RARB: variants seen among roughly 807,000 people sequenced by gnomAD.
RARB encodes retinoic acid receptor beta, also known as HBV-activated protein.
RARB carries 17 observed loss-of-function variants against 51.9 expected under a neutral mutation model. That is an observed-to-expected ratio of 0.33 (90% CI 0.22 to 0.49). RARB has a LOEUF of 0.49. RARB is among the 20% of genes least tolerant of loss of function. RARB has a pLI of 0.99. For synonymous variants in RARB, 215 were observed against 195.4 expected (o/e 1.10, Z -0.84); for missense variants, 369 against 550.8 (o/e 0.67, Z 3.30).
chr3:25,372,742 C>T (rs1317836646), intron 5 of RARB, among the ~76,000 whole-genome samples: 8 of 152,202 alleles, frequency 5.3e-5, no homozygotes. Flanking sequence ...GGGAGAATCA[C>T]TTCAACCTGA....
intron 3 of RARB, among the ~76,000 whole-genome samples, chr3:25,106,122 G>A (rs542760327): frequency 2.6e-5 from 4 of 152,244 alleles, no homozygotes; most frequent in South Asian, 4.2e-4. Flanking sequence ...GAGGTTGTTT[G>A]TTTCCCATAA....
rs572630994 is a variant in RARB, at chr3:25,102,303, A to T, written c.-327-29858A>T. On this transcript the variant is annotated intron_variant, in intron 3 of 11. Coordinates refer to the RARB transcript ENST00000383772. ...CACCTGTAATCCTAGCACTTTGGGA[A>T]GCCGAGGCAGGTTGATCACCTGAGG... 3.9e-5 allele frequency among the ~76,000 whole-genome samples: 6 copies of T among 151,944 alleles called. No homozygotes were observed. The East Asian group carries it at 1.2e-3, about 30-fold the overall frequency.
chr3:25,345,221 G>C (rs901739632), intron 5 of RARB, among the ~76,000 whole-genome samples: 1 of 152,104 alleles, frequency 6.6e-6, no homozygotes, highest in African/African-American at 2.4e-5. Flanking sequence ...ACCTCTGGAG[G>C]TTTTTTGGTT....
intron 5 of RARB, among the ~76,000 whole-genome samples, chr3:25,371,901 G>C (rs1706311661): frequency 6.6e-6 from 1 of 152,226 alleles, no homozygotes; most frequent in Non-Finnish European, 1.5e-5. Context: ...TGTTGAGGTT[G>C]AGTGGTCAGG....
chr3:25,578,570 G>A (rs561152483), intron 4 of RARB, among the ~76,000 whole-genome samples: 3 of 152,266 alleles, frequency 2.0e-5, no homozygotes, highest in South Asian at 2.1e-4. Flanking sequence ...CCTACGAACC[G>A]GATAAACTGC....
intron 3 of RARB, among the ~76,000 whole-genome samples, chr3:25,539,648 A>G (rs1269718746): frequency 6.9e-6 from 1 of 145,604 alleles, no homozygotes; most frequent in East Asian, 2.0e-4. Context: ...TCTTTAGTCA[A>G]TGTCCATCCT....
intron 5 of RARB, among the ~76,000 whole-genome samples, chr3:25,248,231 T>C (rs1308088339): frequency 2.6e-5 from 4 of 152,198 alleles, no homozygotes; most frequent in African/African-American, 9.6e-5. Context: ...AATATCTTTT[T>C]TCATCCCTTT....
intron 2 of RARB, among the ~76,000 whole-genome samples, chr3:24,933,209 A>C (rs1695478292): frequency 6.6e-6 from 1 of 152,146 alleles, no homozygotes. Flanking sequence ...ATAACTCTGC[A>C]TCATTTTAGT....
At chr3:25,353,063 T>C (rs1020333110) in intron 5 of RARB, among the ~76,000 whole-genome samples, 9 of 152,182 alleles carry the variant, frequency 5.9e-5, no homozygotes, top group African/African-American at 2.2e-4. Flanking sequence ...GCACTTAGAA[T>C]ACAGAAATCA....
chr3:25,294,807 G>T (rs551090480), intron 5 of RARB, among the ~76,000 whole-genome samples: 1 of 150,492 alleles, frequency 6.6e-6, no homozygotes, highest in African/African-American at 2.5e-5. Flanking sequence ...GAGAGAGGAG[G>T]AAGAGGGAGT....
chr3:25,002,766 A>G (rs987538327), intron 2 of RARB, among the ~76,000 whole-genome samples: 3 of 152,002 alleles, frequency 2.0e-5, no homozygotes, highest in Non-Finnish European at 4.4e-5. Context: ...GTGTGTATAT[A>G]TATATATATG....
chr3:25,110,096 T>C (rs1021466254), intron 3 of RARB, among the ~76,000 whole-genome samples: 1 of 152,184 alleles, frequency 6.6e-6, no homozygotes, highest in African/African-American at 2.4e-5. Flanking sequence ...GTGGTTTCTC[T>C]CTCCTGACTG....
chr3:25,075,539 C>G (rs1239037914), intron 3 of RARB, among the ~76,000 whole-genome samples: 1 of 152,158 alleles, frequency 6.6e-6, no homozygotes, highest in Non-Finnish European at 1.5e-5. Context: ...CCCCCGCTTT[C>G]TCTAGCCATT....
intron 3 of RARB, among the ~76,000 whole-genome samples, chr3:25,127,684 G>A (rs79079996): frequency 0.019 from 2,921 of 152,096 alleles, 75 homozygotes; most frequent in African/African-American, 0.057. Context: ...ACGAAGGAGC[G>A]AAGGAGGGAG....
At chr3:25,186,940 T>TGTGTGTGTGTGTGTGTG (rs1553641069) in intron 5 of RARB, among the ~76,000 whole-genome samples, 2 of 148,468 alleles carry the variant, frequency 1.3e-5, no homozygotes, top group Admixed American at 6.8e-5. Context: ...TGTGTGTGTG[T>TGTGTGTGTGTGTGTGTG]TTTCCTGCTA....
chr3:25,067,288 T>C (rs537253012), intron 3 of RARB, among the ~76,000 whole-genome samples: 2 of 152,040 alleles, frequency 1.3e-5, no homozygotes, highest in East Asian at 3.9e-4. Context: ...CTTAATGAAA[T>C]CACGTTTAAA....
chr3:24,830,601 G>A (rs1199285156), intron 1 of RARB, among the ~76,000 whole-genome samples: 1 of 151,134 alleles, frequency 6.6e-6, no homozygotes, highest in African/African-American at 2.4e-5. Flanking sequence ...GATGGTCGCG[G>A]AGTGGAACAG....
At chr3:25,336,621 C>G (rs1705070933) in intron 5 of RARB, among the ~76,000 whole-genome samples, 1 of 152,136 alleles carries the variant, frequency 6.6e-6, no homozygotes, top group Non-Finnish European at 1.5e-5. Context: ...GTTCCTTCCT[C>G]TCTGCCCAAC....
intron 5 of RARB, among the ~76,000 whole-genome samples, chr3:25,245,437 G>A (rs1356899396): frequency 8.5e-5 from 13 of 152,252 alleles, no homozygotes; most frequent in Non-Finnish European, 1.2e-4. Context: ...TGCAGTGGCT[G>A]GTACCGGTTT....
Sources: allele counts gnomAD v4.1 joint callset (sites outside exome capture counted in the v4.1 genomes callset), GRCh38; gene constraint gnomAD v4.1.1; transcripts MANE v1.5; gene names NCBI Gene and HGNC (gene_info 2026-07-23, HGNC 2026-07-21).